DST: variants seen among roughly 807,000 people sequenced by gnomAD.
DST encodes bullous pemphigoid antigen.
Under a neutral mutation model 875.2 loss-of-function variants are expected in DST, and 253 were observed. That is an observed-to-expected ratio of 0.29 (90% confidence interval 0.26 to 0.32). The LOEUF (loss-of-function observed/expected upper bound fraction) is 0.32. DST is among the 10% of genes least tolerant of loss of function. The pLI, the probability that DST is intolerant of heterozygous loss-of-function variation, is 1.00. For synonymous variants in DST, 3,124 were observed against 3,197.1 expected, an observed-to-expected ratio of 0.98 and a Z score of 0.77; for missense variants, 8,287 against 9,111.6, an observed-to-expected ratio of 0.91 and a Z score of 3.68.
intron 31 of DST, among the ~76,000 whole-genome samples, chr6:56,629,812 A>G (rs2098762977): frequency 1.3e-5 from 2 of 152,224 alleles, no homozygotes; most frequent in South Asian, 4.1e-4. Flanking sequence ...AATCACTGAG[A>G]TAACTTTTAA....
chr6:56,641,980 C>T lies in DST; in HGVS notation c.1994G>A (p.Gly665Glu). Reference sequence around the variant, plus strand: ...CAATTGATCTGCCTGGTAGTATTTTCCATCAATAAGAATCTGTACATCAAT... The same window carrying T: ...CAATTGATCTGCCTGGTAGTATTTTTCATCAATAAGAATCTGTACATCAAT... ...HVIDVQILID[G>E]KYYQADQLVQ... Residue 665 changes from glycine to glutamate, a missense_variant, in exon 17 of 104, where the codon GGA (glycine) becomes GAA (glutamate). Around this residue, in one of 10 missense-constraint regions of DST, gnomAD observed 1,160 missense variants for 1,424.3 expected, o/e 0.81. Coordinates refer to ENST00000680361, the MANE Select transcript of DST (RefSeq NM_001374736.1). 1 of 1,613,404 alleles carries T rather than the reference C, an allele frequency of 6.2e-7. No homozygotes were observed. Among genetic ancestry groups the T allele is most frequent in the Non-Finnish European group, 8.5e-7 (1 of 1,179,662 alleles).
At chr6:56,871,605 T>A in intron 3 of DST, 5 of 782,336 alleles carry the variant, frequency 6.4e-6, no homozygotes, top group Non-Finnish European at 1.1e-5. Flanking sequence ...GATTAACCCA[T>A]ACATGAGCTC....
At chr6:56,755,295 T>C (rs535706627) in intron 4 of DST, among the ~76,000 whole-genome samples, 25 of 152,298 alleles carry the variant, frequency 1.6e-4, no homozygotes, top group African/African-American at 5.5e-4. Flanking sequence ...TGTGGGTAGC[T>C]AGAAGCTCAG....
chr6:56,885,180 C>T (rs909623827), intron 3 of DST, among the ~76,000 whole-genome samples: 4 of 152,138 alleles, frequency 2.6e-5, no homozygotes, highest in Admixed American at 2.0e-4. Context: ...GGCTCATAGC[C>T]GCCCTCCCCT....
intron 90 of DST, among the ~76,000 whole-genome samples, chr6:56,480,830 C>T (rs2095377689): frequency 6.6e-6 from 1 of 152,104 alleles, no homozygotes; most frequent in Non-Finnish European, 1.5e-5. Context: ...GCACAATGGG[C>T]TTTAAGTGGT....
chr6:56,676,476 T>A (rs2099130751), intron 9 of DST, among the ~76,000 whole-genome samples: 1 of 152,036 alleles, frequency 6.6e-6, no homozygotes, highest in Non-Finnish European at 1.5e-5. Flanking sequence ...GCCCAAAAAA[T>A]TAAAAATAGA....
chr6:56,590,814 C>T (rs767201643), intron 49 of DST, among the ~76,000 whole-genome samples: 1 of 152,202 alleles, frequency 6.6e-6, no homozygotes. Context: ...TCCCTGCTCT[C>T]ATCCTATGCT....
chr6:56,480,400 C>G (rs141287804), intron 90 of DST, among the ~76,000 whole-genome samples: 75 of 152,314 alleles, frequency 4.9e-4, no homozygotes, highest in African/African-American at 1.7e-3. Context: ...CAAGGTTATA[C>G]CTAGAATTTG....
In DST at chr6:56,604,775, T is replaced by C. The variant is rs2098479184; in HGVS notation, c.9853A>G (p.Lys3285Glu). 1.9e-6 allele frequency: 3 copies of C among 1,612,870 alleles called. No homozygotes were observed. The highest frequency in any genetic ancestry group is 2.5e-6 in the Non-Finnish European group (3 of 1,179,230). The stretch of plus-strand genomic sequence containing the variant: ...CGCTCCGACTGCAGAAAATCATTTT[T>C]CCCAACATCTTCTACATGTTTACGA... Reference protein sequence around the residue: ...LSRKHVEDVGKNDFLQSERCA... With the variant: ...LSRKHVEDVGENDFLQSERCA... Residue 3285 changes from lysine to glutamate, a missense_variant, in exon 40 of 104, where the codon AAA becomes GAA. Lys to Glu is a moderately conservative substitution (Grantham distance 56). Coordinates refer to ENST00000680361, the MANE Select transcript of DST (RefSeq NM_001374736.1).
Position 56,602,918 on chromosome 6 carries a change from A to G in DST, c.11271T>C (p.Asp3757=). The change falls in exon 43 of 104, where the codon GAT becomes GAC. Residue 3757 remains aspartate, a synonymous_variant. Transcript: ENST00000680361. ...VKDIEIVNVQ[D]SEYVKKRLEF... is the part of the protein sequence containing the mutation. ...CCAAACGTTTCTTTACATACTCAGA[A>G]TCTTGAACATTCACAATCTCAATAT... 1 of 1,572,718 alleles carries G rather than the reference A, an allele frequency of 6.4e-7. No homozygotes were observed. Among genetic ancestry groups the G allele is most frequent in the African/African-American group, 1.4e-5 (1 of 73,002 alleles).
intron 5 of DST, among the ~76,000 whole-genome samples, chr6:56,715,263 C>T (rs2099390869): frequency 1.3e-5 from 2 of 152,176 alleles, no homozygotes; most frequent in African/African-American, 4.8e-5. Context: ...TGGCATCTAT[C>T]GGAGTTAGTG....
intron 5 of DST, among the ~76,000 whole-genome samples, chr6:56,729,362 G>A (rs529271904): frequency 2.6e-5 from 4 of 152,170 alleles, no homozygotes; most frequent in South Asian, 2.1e-4. Context: ...AGGCTGAGGC[G>A]GGCAGACCAC....
chr6:56,475,662 C>T (rs183600779), intron 92 of DST, among the ~76,000 whole-genome samples: 16 of 152,296 alleles, frequency 1.1e-4, no homozygotes, highest in African/African-American at 3.6e-4. Context: ...GTCATCTTCA[C>T]AGACATAAAA....
chr6:56,540,084 C>T (rs1456862798), intron 61 of DST, among the ~76,000 whole-genome samples: 2 of 152,182 alleles, frequency 1.3e-5, no homozygotes, highest in African/African-American at 4.8e-5. Flanking sequence ...TTCTCCAAAA[C>T]AGTCCCTATT....
At chr6:56,645,143 A>G (rs1375172234) in intron 15 of DST, among the ~76,000 whole-genome samples, 1 of 152,224 alleles carries the variant, frequency 6.6e-6, no homozygotes, top group Non-Finnish European at 1.5e-5. Flanking sequence ...ATATGTCTTT[A>G]TTAGCAGCGT....
chr6:56,564,479 T>C (rs1035409523), intron 55 of DST, among the ~76,000 whole-genome samples: 6 of 152,172 alleles, frequency 3.9e-5, no homozygotes, highest in Non-Finnish European at 8.8e-5. Context: ...TGGGCTGAGA[T>C]GATGGGGTTT....
intron 97 of DST, 55 bp from the exon 98 acceptor site, chr6:56,469,054 T>C: frequency 7.0e-7 from 1 of 1,423,052 alleles, no homozygotes; most frequent in Non-Finnish European, 9.7e-7. Flanking sequence ...GGAAACTTTC[T>C]GTATGACTCT....
intron 2 of DST, among the ~76,000 whole-genome samples, chr6:56,930,108 T>C (rs868794680): frequency 6.6e-6 from 1 of 152,372 alleles, no homozygotes; most frequent in Middle Eastern, 3.4e-3. Context: ...GGTAATTGTG[T>C]ATGGGTAAGG....
intron 9 of DST, among the ~76,000 whole-genome samples, chr6:56,673,535 C>T (rs963057140): frequency 1.3e-5 from 2 of 152,160 alleles, no homozygotes; most frequent in Admixed American, 6.5e-5. Flanking sequence ...TTAACAGGTT[C>T]AAGTGCTACA....
Sources: gnomAD v4.1 joint callset for allele counts (sites outside exome capture counted in the v4.1 genomes callset) on GRCh38, gnomAD v4.1.1 for gene constraint, gnomAD v4.1.1 regional missense constraint, MANE v1.5 for transcripts, NCBI Gene and HGNC (gene_info 2026-07-23, HGNC 2026-07-21) for gene names.